NKX2-4: variants seen among roughly 807,000 people sequenced by gnomAD.
The protein encoded by NKX2-4 is NK2 homeobox 4.
In NKX2-4, 6 loss-of-function variants were observed where a neutral mutation model predicts 8.6. That is an observed-to-expected ratio of 0.70 (90% CI 0.38 to 1.38). The LOEUF (loss-of-function observed/expected upper bound fraction) is 1.38, where lower values mean the gene tolerates loss of function less well. NKX2-4 is among the 40% of genes most tolerant of loss of function. NKX2-4 has a pLI of 0.02. For missense variants in NKX2-4, 601 were observed against 548.4 expected, an observed-to-expected ratio of 1.10 and a Z score of -0.96; for synonymous variants, 299 against 272.6, an observed-to-expected ratio of 1.10 and a Z score of -0.95.
chr20:21,397,483 G>A lies in NKX2-4; in HGVS notation c.-84C>T, dbSNP rs562281925. The stretch of plus-strand genomic sequence containing the variant: ...CGCTCGTCGCCGCCACCTCGGCCGC[G>A]GCAGCTGAGCCTGTGACGAGGAGTC... On this transcript the variant is annotated 5_prime_UTR_variant, in exon 1 of 2. Transcript: ENST00000351817. The A allele has an allele frequency of 3.3e-5, 41 of 1,225,218 alleles. No individual in the cohort carries two copies. The African/African-American group carries it at 5.7e-4, about 17-fold the overall frequency. The allele number at this position is 1,225,218 out of a possible 1,614,324, so 75.9% of individuals were successfully genotyped here.
rs770193955 is a variant in NKX2-4 at position 21,395,891 on chromosome 20, G to A, written c.*20C>T. ...GACCCTTCGGGTGCACCAGGACCTA[G>A]CCCCGGGGCGCCCTCGCTGTCACCA... On this transcript the variant is annotated 3_prime_UTR_variant, in exon 2 of 2. Coordinates refer to ENST00000351817, the MANE Select transcript of NKX2-4 (RefSeq NM_033176.2). 111 of 1,310,926 alleles carry A rather than the reference G, an allele frequency of 8.5e-5. No homozygotes were observed. The highest frequency in any genetic ancestry group is 9.6e-5 in the Non-Finnish European group (99 of 1,028,540). The allele number at this position is 1,310,926 out of a possible 1,614,324, so 81.2% of individuals were successfully genotyped here.
chr20:21,396,596 C>T, intron 1 of NKX2-4, 63 bp from the exon 2 acceptor site: 3 of 1,292,384 alleles, frequency 2.3e-6, no homozygotes, highest in Non-Finnish European at 3.0e-6. Context: ...CCGGTCCAGC[C>T]GCCGCTCTCT....
chr20:21,396,376 C>T lies in NKX2-4; in HGVS notation c.600G>A (p.Gln200=), dbSNP rs761739260. ...RKRRVLFSQA[Q]VYELERRFKQ... ...TGAAGCGCCGCTCCAGCTCGTAGAC[C>T]TGCGCCTGCGAGAAGAGCACGCGGC... is the stretch of plus-strand genomic sequence containing the variant. Residue 200 remains glutamine, a synonymous_variant, in exon 2 of 2, where the codon CAG becomes CAA. Coordinates refer to ENST00000351817, the MANE Select transcript of NKX2-4 (RefSeq NM_033176.2). The T allele has an allele frequency of 4.4e-6, 7 of 1,585,674 alleles. No homozygotes were observed. Among genetic ancestry groups the T allele is most frequent in the Admixed American group, 1.8e-5 (1 of 56,684 alleles).
Position 21,395,615 on chromosome 20 carries a change from T to G in NKX2-4, c.*296A>C. On this transcript the variant is annotated 3_prime_UTR_variant, in exon 2 of 2. Coordinates refer to ENST00000351817, the MANE Select transcript of NKX2-4 (RefSeq NM_033176.2). ...ACAAAGTTTCCAACTTTGAGAGCTG[T>G]AGTTAAGAATGCCGTGTGAACTTCT... 1 of 244,768 alleles carries G rather than the reference T, an allele frequency of 4.1e-6. No homozygotes were observed. Among genetic ancestry groups the G allele is most frequent in the East Asian group, 7.9e-5 (1 of 12,710 alleles). 15.2% of individuals were successfully genotyped at this position (244,768 alleles called of 1,614,324 possible).
In NKX2-4 at chr20:21,397,148, T is replaced by TGCTGCCGCCGCCGCCGCGGCC. The variant is rs2039034369; in HGVS notation, c.231_251dup (p.Ala85_Ala91dup). 1 of 1,270,316 alleles carries TGCTGCCGCCGCCGCCGCGGCC rather than the reference T, an allele frequency of 7.9e-7. No homozygotes were observed. The highest frequency in any genetic ancestry group is 4.3e-5 in the Admixed American group (1 of 23,164). The allele number at this position is 1,270,316 out of a possible 1,614,324, so 78.7% of individuals were successfully genotyped here. A position where few individuals can be genotyped will look rare whatever the true frequency, so the allele number is the denominator to read the frequency against. On this transcript the variant is annotated inframe_insertion, in exon 1 of 2. Coordinates refer to ENST00000351817, the MANE Select transcript of NKX2-4 (RefSeq NM_033176.2). ...AGGTGGCGGCCGCCGCCGCCGCAGC[T>TGCTGCCGCCGCCGCCGCGGCC]GCTGCCGCCGCCGCCGCGGCCGCCG...
rs760208755 is a variant in NKX2-4 at position 21,396,460 on chromosome 20, G to A, written c.516C>T (p.Ala172=). 2.7e-6 allele frequency: 4 copies of A among 1,489,718 alleles called. No homozygotes were observed. Among genetic ancestry groups the A allele is most frequent in the African/African-American group, 1.5e-5 (1 of 67,826 alleles). 92.3% of individuals were successfully genotyped at this position (1,489,718 alleles called of 1,614,324 possible). Residue 172 remains alanine, a synonymous_variant, in exon 2 of 2, where the codon GCC becomes GCT. Coordinates refer to ENST00000351817, the MANE Select transcript of NKX2-4 (RefSeq NM_033176.2). ...GMGSLTGIAD[A]AKSLGPLHAA... ...CGTGCAGCGGGCCCAGCGACTTGGCGGCGTCCGCGATGCCGGTCAGCGACC... is the reference window on the plus strand; with the variant it reads ...CGTGCAGCGGGCCCAGCGACTTGGCAGCGTCCGCGATGCCGGTCAGCGACC...
chr20:21,397,445 A>G lies in NKX2-4; in HGVS notation c.-46T>C. ...AGGGGGGCCTGGGGCGCGCGCCGGC[A>G]GGACGCGGCGGCCGCTCGTCGCCGC... On this transcript the variant is annotated 5_prime_UTR_variant, in exon 1 of 2. Transcript: ENST00000351817. 2.4e-6 allele frequency: 3 copies of G among 1,256,106 alleles called. No individual in the cohort carries two copies. The highest frequency in any genetic ancestry group is 2.8e-5 in the South Asian group (1 of 35,888). The allele number at this position is 1,256,106 out of a possible 1,614,324, so 77.8% of individuals were successfully genotyped here.
Position 21,396,021 on chromosome 20 carries a change from G to C in NKX2-4, c.955C>G (p.Pro319Ala). 7.9e-7 allele frequency: 1 copy of C among 1,258,622 alleles called. No homozygotes were observed. The highest frequency in any genetic ancestry group is 9.9e-7 in the Non-Finnish European group (1 of 1,007,744). The allele number at this position is 1,258,622 out of a possible 1,614,324, so 78.0% of individuals were successfully genotyped here. A position where few individuals can be genotyped will look rare whatever the true frequency, so the allele number is the denominator to read the frequency against. ...APELEELSPS[P>A]PALHGPGGGL... The stretch of plus-strand genomic sequence containing the variant: ...CCCCCCGGGCCGTGCAGCGCGGGTG[G>C]GCTGGGCGACAGCTCCTCCAGCTCA... The change falls in exon 2 of 2, where the codon CCA becomes GCA. Residue 319 changes from proline to alanine, a missense_variant. By Grantham distance (27) the Pro-to-Ala change is conservative (BLOSUM62 -1). Transcript: ENST00000351817.
rs750411767 is a variant in NKX2-4, at chr20:21,397,361, C to G, written c.39G>C (p.Val13=). ...LSPKHTTPFS[V]SDILSPIEET... ...CCTCGATGGGGCTCAGGATGTCGGA[C>G]ACGGAGAAGGGCGTCGTGTGCTTTG... Residue 13 remains valine (V), a synonymous_variant, in exon 1 of 2, where the codon GTG becomes GTC. Coordinates refer to ENST00000351817, the MANE Select transcript of NKX2-4 (RefSeq NM_033176.2). 6.9e-7 allele frequency: 1 copy of G among 1,449,244 alleles called. No individual in the cohort carries two copies. Among genetic ancestry groups the G allele is most frequent in the South Asian group, 1.4e-5 (1 of 70,840 alleles). 89.8% of individuals were successfully genotyped at this position (1,449,244 alleles called of 1,614,324 possible). A position where few individuals can be genotyped will look rare whatever the true frequency, so the allele number is the denominator to read the frequency against.
rs776295425 is a variant in NKX2-4, at chr20:21,396,966, T to C, written c.434A>G (p.Tyr145Cys). The stretch of plus-strand genomic sequence containing the variant: ...CTCCTGGCCCCTCTCACTTGACGAG[T>C]AGCGTGGGTCCGGGTTGGCGCCGTA... ...GWYGANPDPR[Y>C]SSISRFMGPS... Residue 145 changes from tyrosine (Y) to cysteine (C), a missense_variant, in exon 1 of 2, where the codon TAC becomes TGC. Physicochemically the swap from Tyr to Cys is radical, Grantham distance 194 (BLOSUM62 -2). Coordinates refer to ENST00000351817, the MANE Select transcript of NKX2-4 (RefSeq NM_033176.2). 5 of 1,462,126 alleles carry C rather than the reference T, an allele frequency of 3.4e-6. No homozygotes were observed. In the Admixed American group the frequency reaches 7.1e-5, roughly 21 times the overall value. 90.6% of individuals were successfully genotyped at this position (1,462,126 alleles called of 1,614,324 possible).
At position 21,396,281 on chromosome 20, in the gene NKX2-4, TGC is replaced by T; in HGVS notation, c.693_694del (p.Gln232GlyfsTer79). On this transcript the variant is annotated frameshift_variant, in exon 2 of 2. Coordinates refer to ENST00000351817, the MANE Select transcript of NKX2-4 (RefSeq NM_033176.2). LOFTEE classifies it low-confidence loss of function (END_TRUNC). ...GTGGTTCTGGAACCAGATCTTGACC[TGC>T]GTGGGCGTCAGGTGGATCATGCTGG... 6.2e-7 allele frequency: 1 copy of T among 1,606,022 alleles called. No homozygotes were observed. Among genetic ancestry groups the T allele is most frequent in the Non-Finnish European group, 8.5e-7 (1 of 1,177,318 alleles).
In NKX2-4 at chr20:21,397,009, C is replaced by T. The variant is rs1330412911; in HGVS notation, c.391G>A (p.Gly131Ser). ...LPAYTDGMRG[G>S]AATGWYGANP... ...GCGCCGTACCAGCCGGTGGCCGCGC[C>T]GCCCCGCATGCCGTCCGTGTAGGCG... Residue 131 changes from glycine (G) to serine (S), a missense_variant, in exon 1 of 2, where the codon GGC (glycine) becomes AGC (serine). Physicochemically the swap from Gly to Ser is moderately conservative, Grantham distance 56. Coordinates refer to ENST00000351817, the MANE Select transcript of NKX2-4 (RefSeq NM_033176.2). 4 of 1,474,818 alleles carry T rather than the reference C, an allele frequency of 2.7e-6. No individual in the cohort carries two copies. The highest frequency in any genetic ancestry group is 2.9e-5 in the African/African-American group (2 of 68,976). The allele number at this position is 1,474,818 out of a possible 1,614,324, so 91.4% of individuals were successfully genotyped here. A position where few individuals can be genotyped will look rare whatever the true frequency, so the allele number is the denominator to read the frequency against.
Position 21,396,481 on chromosome 20 carries a change from C to A in NKX2-4, c.495G>T (p.Ser165=), listed in dbSNP as rs762337364. 3.4e-6 allele frequency: 5 copies of A among 1,469,098 alleles called. No homozygotes were observed. Among genetic ancestry groups the A allele is most frequent in the East Asian group, 5.4e-5 (2 of 36,872 alleles). The allele number at this position is 1,469,098 out of a possible 1,614,324, so 91.0% of individuals were successfully genotyped here. A position where few individuals can be genotyped will look rare whatever the true frequency, so the allele number is the denominator to read the frequency against. ...TGGCGGCGTCCGCGATGCCGGTCAG[C>A]GACCCCATGCCGGCCACATTCACGC... ...SAGVNVAGMG[S]LTGIADAAKS... Residue 165 remains serine, a synonymous_variant, in exon 2 of 2, where the codon TCG becomes TCT. Transcript: ENST00000351817.
rs1295131301 is a variant in NKX2-4 at position 21,396,855 on chromosome 20, G to A, written c.442+103C>T. 1.4e-5 allele frequency: 15 copies of A among 1,064,182 alleles called. No individual in the cohort carries two copies. The East Asian group carries it at 4.6e-4, about 33-fold the overall frequency. 65.9% of individuals were successfully genotyped at this position (1,064,182 alleles called of 1,614,324 possible). On this transcript the variant is annotated intron_variant, in intron 1 of 1. Coordinates refer to ENST00000351817, the MANE Select transcript of NKX2-4 (RefSeq NM_033176.2). ...GCCCCGCGCGCCCGCTCGGCCCCAG[G>A]ACCTCCTAAGCCGCGCGCACCCCGT...
Position 21,396,412 on chromosome 20 carries a change from C to T in NKX2-4, c.564G>A (p.Pro188=), listed in dbSNP as rs2039020927. The change falls in exon 2 of 2, where the codon CCG becomes CCA. Residue 188 remains proline, a synonymous_variant. Transcript: ENST00000351817. ...PLHAAAAAAA[P]RRKRRVLFSQ... ...AGAAGAGCACGCGGCGCTTCCTTCG[C>T]GGAGCGGCTGCCGCCGCCGCCGCGT... The T allele has an allele frequency of 4.6e-6, 7 of 1,537,250 alleles. No homozygotes were observed. The highest frequency in any genetic ancestry group is 4.4e-6 in the Non-Finnish European group (5 of 1,149,034).
chr20:21,396,746 C>T (rs2039026589), intron 1 of NKX2-4, among the ~76,000 whole-genome samples: 2 of 150,280 alleles, frequency 1.3e-5, no homozygotes, highest in South Asian at 4.2e-4. Context: ...CAGGACGCCG[C>T]GCGCGTTCCC....
At position 21,396,460 on chromosome 20, in the gene NKX2-4, G is replaced by C. The variant is rs760208755; in HGVS notation, c.516C>G (p.Ala172=). The part of the protein sequence containing the change: ...GMGSLTGIAD[A]AKSLGPLHAA... Reference sequence around the variant, plus strand: ...CGTGCAGCGGGCCCAGCGACTTGGCGGCGTCCGCGATGCCGGTCAGCGACC... The same window carrying C: ...CGTGCAGCGGGCCCAGCGACTTGGCCGCGTCCGCGATGCCGGTCAGCGACC... The change falls in exon 2 of 2, where the codon GCC becomes GCG. Residue 172 remains alanine, a synonymous_variant. Transcript: ENST00000351817. The C allele has an allele frequency of 6.7e-7, 1 of 1,489,826 alleles. No individual in the cohort carries two copies. Among genetic ancestry groups the C allele is most frequent in the Non-Finnish European group, 8.8e-7 (1 of 1,131,982 alleles). The allele number at this position is 1,489,826 out of a possible 1,614,324, so 92.3% of individuals were successfully genotyped here. A position where few individuals can be genotyped will look rare whatever the true frequency, so the allele number is the denominator to read the frequency against.
chr20:21,396,775 C>A (rs2039027220), intron 1 of NKX2-4, among the ~76,000 whole-genome samples, 183 bp downstream of exon 1: 2 of 150,474 alleles, frequency 1.3e-5, no homozygotes, highest in Non-Finnish European at 3.0e-5. Context: ...CCCAGGACCC[C>A]CCGCGCGCCC....
chr20:21,397,434 C>A lies in NKX2-4; in HGVS notation c.-35G>T. The A allele has an allele frequency of 7.7e-7, 1 of 1,291,626 alleles. No individual in the cohort carries two copies. Among genetic ancestry groups the A allele is most frequent in the South Asian group, 2.5e-5 (1 of 39,922 alleles). 80.0% of individuals were successfully genotyped at this position (1,291,626 alleles called of 1,614,324 possible). A position where few individuals can be genotyped will look rare whatever the true frequency, so the allele number is the denominator to read the frequency against. ...GGCAGCCAGGTAGGGGGGCCTGGGG[C>A]GCGCGCCGGCAGGACGCGGCGGCCG... On this transcript the variant is annotated 5_prime_UTR_variant, in exon 1 of 2. Transcript: ENST00000351817.
Sources: gnomAD v4.1 joint callset for allele counts (sites outside exome capture counted in the v4.1 genomes callset) on GRCh38, gnomAD v4.1.1 for gene constraint, MANE v1.5 for transcripts, NCBI Gene and HGNC (gene_info 2026-07-23, HGNC 2026-07-21) for gene names.